The following PRKDC variants were observed in gnomAD, a reference collection of about 807,000 sequenced individuals.
PRKDC encodes the protein protein kinase, DNA-activated, catalytic subunit.
In PRKDC, 82 loss-of-function variants were observed where a neutral mutation model predicts 486.9. The observed-to-expected ratio is 0.17, with a 90% CI of 0.14 to 0.20. The LOEUF (loss-of-function observed/expected upper bound fraction) is 0.20, where lower values mean the gene tolerates loss of function less well. Ranked by LOEUF, PRKDC falls within the 10% of genes least tolerant of loss-of-function variation. The pLI is 1.00. For synonymous variants in PRKDC, 1,895 were observed against 1,837.0 expected, an observed-to-expected ratio of 1.03 and a Z score of -0.81; for missense variants, 4,504 against 5,038.2, an observed-to-expected ratio of 0.89 and a Z score of 3.21.
chr8:47,923,654 T>C (rs373844009), intron 21 of PRKDC, among the ~76,000 whole-genome samples: 104 of 152,328 alleles, frequency 6.8e-4, no homozygotes, highest in African/African-American at 2.4e-3. Flanking sequence ...TTTAAAACCA[T>C]GGTACTTCAA....
chr8:47,899,137 G>A (rs1394813865), intron 28 of PRKDC, among the ~76,000 whole-genome samples: 2 of 152,120 alleles, frequency 1.3e-5, no homozygotes, highest in Non-Finnish European at 2.9e-5. Context: ...ATCTTATTTT[G>A]ACCTGTGTCA....
At chr8:47,956,239 G>C (rs1010470503) in intron 3 of PRKDC, among the ~76,000 whole-genome samples, 1 of 152,066 alleles carries the variant, frequency 6.6e-6, no homozygotes, top group Non-Finnish European at 1.5e-5. Flanking sequence ...GTGCACGCCT[G>C]TAATCCCAGC....
At chr8:47,919,731 T>G (rs2090043886) in intron 21 of PRKDC, among the ~76,000 whole-genome samples, 1 of 151,874 alleles carries the variant, frequency 6.6e-6, no homozygotes, top group Non-Finnish European at 1.5e-5. Context: ...TGGTTTTTTT[T>G]TTTTTTTTTT....
chr8:47,863,554 A>C lies in PRKDC; in HGVS notation c.5595T>G (p.Thr1865=), dbSNP rs774629825. The C allele has an allele frequency of 6.2e-7, 1 of 1,612,322 alleles. No individual in the cohort carries two copies. The highest frequency in any genetic ancestry group is 1.1e-5 in the South Asian group (1 of 90,706). Residue 1865 remains threonine, a synonymous_variant, in exon 42 of 86, where the codon ACT becomes ACG. Transcript: ENST00000314191. The stretch of plus-strand genomic sequence containing the variant: ...AGTAGCCCATCTTCTTGGTGATTTG[A>C]GTATCAAAGGTAGATTCATTTAGCT... ...FTKLNESTFD[T]QITKKMGYYK... is the part of the protein sequence containing the mutation.
At chr8:47,908,740 T>G (rs2089840088) in intron 25 of PRKDC, among the ~76,000 whole-genome samples, 1 of 152,222 alleles carries the variant, frequency 6.6e-6, no homozygotes, top group Admixed American at 6.5e-5. Context: ...TTTTTATCTT[T>G]GAACATTTTA....
chr8:47,930,245 C>T (rs1440823343), intron 17 of PRKDC, among the ~76,000 whole-genome samples: 1 of 152,098 alleles, frequency 6.6e-6, no homozygotes, highest in Admixed American at 6.6e-5. Context: ...TCTATATAAT[C>T]GATTACAGAT....
intron 54 of PRKDC, 122 bp downstream of exon 54, chr8:47,849,032 T>A (rs1299192417): frequency 7.7e-7 from 1 of 1,291,286 alleles, no homozygotes; most frequent in Admixed American, 2.4e-5. Context: ...TCTTCAGAGA[T>A]TCCAACTTCA....
At chr8:47,817,128 T>G (rs1180988106) in intron 68 of PRKDC, among the ~76,000 whole-genome samples, 2 of 152,236 alleles carry the variant, frequency 1.3e-5, no homozygotes, top group South Asian at 2.1e-4. Context: ...TGTAGTCGTC[T>G]TCTTTGTTGT....
At chr8:47,912,749 TG>T (rs2089925945) in intron 24 of PRKDC, among the ~76,000 whole-genome samples, 187 bp from the exon 25 acceptor site, 1 of 152,250 alleles carries the variant, frequency 6.6e-6, no homozygotes, top group African/African-American at 2.4e-5. Flanking sequence ...CTGTTCACTT[TG>T]TTTTTTTATC....
rs974880568 is a variant in PRKDC at position 47,849,052 on chromosome 8, A to G, written c.7280+102T>C. ...AGAGATTCCAACTTCACAAATGTGT[A>G]TATCATGGAAACCCACAGGTTCTTC... On this transcript the variant is annotated intron_variant, in intron 54 of 85. Coordinates refer to ENST00000314191, the MANE Select transcript of PRKDC (RefSeq NM_006904.7). 540 of 1,400,006 alleles carry G rather than the reference A, an allele frequency of 3.9e-4. 3 individuals carry two copies. Among genetic ancestry groups the G allele is most frequent in the Middle Eastern group, 7.5e-4 (4 of 5,304 alleles). 86.7% of individuals were successfully genotyped at this position (1,400,006 alleles called of 1,614,324 possible).
chr8:47,774,465 C>A, intron 85 of PRKDC, 88 bp from the exon 86 acceptor site: 2 of 1,221,652 alleles, frequency 1.6e-6, no homozygotes, highest in African/African-American at 1.5e-5. Context: ...CAAACACATT[C>A]CCCACGTCAT....
intron 50 of PRKDC, among the ~76,000 whole-genome samples, chr8:47,854,561 C>T (rs930156623): frequency 6.6e-6 from 1 of 152,152 alleles, no homozygotes; most frequent in Non-Finnish European, 1.5e-5. Flanking sequence ...AGGATGGTCT[C>T]GATCTCCTGA....
chr8:47,873,412 C>T (rs1014185123), intron 40 of PRKDC, among the ~76,000 whole-genome samples: 11 of 151,970 alleles, frequency 7.2e-5, no homozygotes, highest in Admixed American at 6.6e-4. Flanking sequence ...AGGTGGCACT[C>T]ATCTGTAACC....
chr8:47,950,762 C>G (rs544902546), intron 7 of PRKDC, among the ~76,000 whole-genome samples: 2 of 151,924 alleles, frequency 1.3e-5, no homozygotes, highest in African/African-American at 4.8e-5. Flanking sequence ...GTGGGAGGGT[C>G]ACTTGATGGG....
In PRKDC at chr8:47,830,627, G is replaced by A; in HGVS notation, c.8375C>T (p.Thr2792Ile). The change falls in exon 61 of 86, where the codon ACC (threonine) becomes ATC (isoleucine). Residue 2792 changes from threonine (T) to isoleucine (I), a missense_variant. By Grantham distance (89) the Thr-to-Ile change is moderately conservative (BLOSUM62 -1). Transcript: ENST00000314191. ...DIQIKHSSLI[T>I]PLQAVAQRDP... ...GACCTGGGCCACGGCCTGTAACGGG[G>A]TGATGAGGCTGCTGTGCTTGATCTG... The A allele has an allele frequency of 6.2e-7, 1 of 1,613,932 alleles. No homozygotes were observed. The highest frequency in any genetic ancestry group is 8.5e-7 in the Non-Finnish European group (1 of 1,179,850).
intron 68 of PRKDC, among the ~76,000 whole-genome samples, chr8:47,810,421 T>C (rs947000754): frequency 1.3e-5 from 2 of 152,248 alleles, no homozygotes; most frequent in Non-Finnish European, 2.9e-5. Context: ...TGTGTGTATG[T>C]ATAGGTAAAA....
intron 21 of PRKDC, 150 bp from the exon 22 acceptor site, chr8:47,918,533 A>C: frequency 1.9e-6 from 1 of 527,198 alleles, no homozygotes; most frequent in Non-Finnish European, 3.2e-6. Context: ...AAAAATATAA[A>C]TGGTGGTTGC....
chr8:47,914,461 A>G (rs1486630926), intron 23 of PRKDC, among the ~76,000 whole-genome samples: 1 of 152,200 alleles, frequency 6.6e-6, no homozygotes, highest in East Asian at 1.9e-4. Flanking sequence ...CAAATTTCAA[A>G]AGTAAAAATA....
In PRKDC at chr8:47,794,408, C is replaced by T; in HGVS notation, c.10552G>A (p.Val3518Met). The change falls in exon 74 of 86, where the codon GTG becomes ATG. Residue 3518 changes from valine (V) to methionine (M), a missense_variant. By Grantham distance (21) the Val-to-Met change is conservative. Coordinates refer to ENST00000314191, the MANE Select transcript of PRKDC (RefSeq NM_006904.7). Reference sequence around the variant, plus strand: ...GGGTAGTTATCAGTGATTTCTTCCACAGAGTGCTGAACAGCAACGGCTTGG... The same window carrying T: ...GGGTAGTTATCAGTGATTTCTTCCATAGAGTGCTGAACAGCAACGGCTTGG... ...KDQAVAVQHS[V>M]EEITDNYPQA... 6.2e-7 allele frequency: 1 copy of T among 1,613,840 alleles called. No homozygotes were observed. Among genetic ancestry groups the T allele is most frequent in the South Asian group, 1.1e-5 (1 of 91,068 alleles).
Sources: allele counts gnomAD v4.1 joint callset (sites outside exome capture counted in the v4.1 genomes callset), GRCh38; gene constraint gnomAD v4.1.1; transcripts MANE v1.5; gene names NCBI Gene and HGNC (gene_info 2026-07-23, HGNC 2026-07-21).